Variants in AVL9 observed in about 807,000 individuals in gnomAD.
The protein encoded by AVL9 is AVL9 cell migration associated, also known as late secretory pathway protein AVL9 homolog.
AVL9 carries 49 observed loss-of-function variants against 79.2 expected under a neutral mutation model. That is an observed-to-expected ratio of 0.62 (90% CI 0.49 to 0.79). The LOEUF (loss-of-function observed/expected upper bound fraction) is 0.79, where lower values mean the gene tolerates loss of function less well. Ranked by LOEUF, AVL9 falls within the 30% of genes least tolerant of loss-of-function variation. The pLI, the probability that AVL9 is intolerant of heterozygous loss-of-function variation, is 0.00. For missense variants in AVL9, 682 were observed against 776.8 expected, an observed-to-expected ratio of 0.88 and a Z score of 1.45; for synonymous variants, 299 against 280.6, an observed-to-expected ratio of 1.07 and a Z score of -0.65.
chr7:32,550,201 A>G (rs1000417747), intron 4 of AVL9, among the ~76,000 whole-genome samples: 3 of 152,210 alleles, frequency 2.0e-5, no homozygotes, highest in African/African-American at 4.8e-5. Context: ...TTGAGTGCCT[A>G]TATATCAGGC....
At position 32,499,012 on chromosome 7, in the gene AVL9, A is replaced by C. The variant is rs1562745997; in HGVS notation, c.93+3210A>C. Among the ~76,000 whole-genome samples the C allele has an allele frequency of 1.2e-4, 3 of 25,784 alleles. 1 individual carries two copies. The highest frequency in any genetic ancestry group is 3.9e-3 in the South Asian group (2 of 518). 16.9% of individuals were successfully genotyped at this position (25,784 alleles called of 152,430 possible). ...AACCCCGCCTCTACTAAAAATACAA[A>C]ATTAGCTGCGCGTGGTGGCACATGC... On this transcript the variant is annotated intron_variant, in intron 1 of 15. Coordinates refer to ENST00000318709, the MANE Select transcript of AVL9 (RefSeq NM_015060.3).
At chr7:32,550,943 GT>G (rs1315181289) in intron 4 of AVL9, among the ~76,000 whole-genome samples, 1 of 152,146 alleles carries the variant, frequency 6.6e-6, no homozygotes, top group Admixed American at 6.5e-5. Flanking sequence ...CTTTCTATGT[GT>G]CAGATACTTT....
rs1219140395 is a variant in AVL9 at position 32,588,339 on chromosome 7, T to A, written c.*4432T>A. The A allele has an allele frequency of 6.6e-6, 1 of 152,226 alleles. No individual in the cohort carries two copies. Among genetic ancestry groups the A allele is most frequent in the African/African-American group, 2.4e-5 (1 of 41,466 alleles). The allele number at this position is 152,226 out of a possible 1,614,324, so 9.4% of individuals were successfully genotyped here. A position where few individuals can be genotyped will look rare whatever the true frequency, so the allele number is the denominator to read the frequency against. On this transcript the variant is annotated 3_prime_UTR_variant, in exon 16 of 16. Transcript: ENST00000318709. ...TGGAAGAATAAGATCAAGGCTTACA[T>A]GTTTCAGGCCACTTGGTCACTGGTT...
At chr7:32,552,370 C>A in intron 6 of AVL9, 75 bp downstream of exon 6, 4 of 879,400 alleles carry the variant, frequency 4.5e-6, no homozygotes, top group African/African-American at 1.7e-5. Context: ...GCGTGTAAAA[C>A]TTTGATTAGA....
rs1790377884 is a variant in AVL9, at chr7:32,562,648, A to G, written c.1215+3184A>G. 6 of 983,698 alleles carry G rather than the reference A, an allele frequency of 6.1e-6. No individual in the cohort carries two copies. The South Asian group carries it at 1.4e-4, about 23-fold the overall frequency. The allele number at this position is 983,698 out of a possible 1,614,324, so 60.9% of individuals were successfully genotyped here. On this transcript the variant is annotated intron_variant, in intron 10 of 15. Coordinates refer to ENST00000318709, the MANE Select transcript of AVL9 (RefSeq NM_015060.3). ...TCAAAAGTTACACTGGACTGGACATAGCATCTCACACCTGTAATCCCAGCA... is the reference window on the plus strand; with the variant it reads ...TCAAAAGTTACACTGGACTGGACATGGCATCTCACACCTGTAATCCCAGCA...
intron 5 of AVL9, 36 bp from the exon 6 acceptor site, chr7:32,552,193 T>G: frequency 4.8e-6 from 6 of 1,246,088 alleles, no homozygotes; most frequent in Non-Finnish European, 7.0e-6. Flanking sequence ...TCTAAAATGA[T>G]AGTAAAATGT....
At chr7:32,525,451 T>C (rs1321497265) in intron 1 of AVL9, among the ~76,000 whole-genome samples, 1 of 152,240 alleles carries the variant, frequency 6.6e-6, no homozygotes, top group African/African-American at 2.4e-5. Context: ...AGGCAAAGTA[T>C]AATAAGCTTA....
At chr7:32,549,036 C>A in intron 4 of AVL9, 118 bp downstream of exon 4, 3 of 532,692 alleles carry the variant, frequency 5.6e-6, no homozygotes, top group Non-Finnish European at 9.1e-6. Context: ...TATTTATGCC[C>A]TAGCATCTCC....
At position 32,583,890 on chromosome 7, in the gene AVL9, C is replaced by G; in HGVS notation, c.1930C>G (p.Pro644Ala). The G allele has an allele frequency of 6.2e-7, 1 of 1,613,724 alleles. No individual in the cohort carries two copies. Among genetic ancestry groups the G allele is most frequent in the Non-Finnish European group, 8.5e-7 (1 of 1,179,668 alleles). ...TSTSQSLTEPPDEKP is the reference protein window; with the variant it reads ...TSTSQSLTEPADEKP The stretch of plus-strand genomic sequence containing the variant: ...CACCTCCCAAAGTCTCACTGAGCCA[C>G]CAGATGAGAAGCCTTGAGCAAGGCG... The change falls in exon 16 of 16, where the codon CCA becomes GCA. Residue 644 changes from proline (P) to alanine (A), a missense_variant. Transcript: ENST00000318709.
rs765341981 is a variant in AVL9 at position 32,573,230 on chromosome 7, C to T, written c.1382C>T (p.Pro461Leu). 2 of 1,613,872 alleles carry T rather than the reference C, an allele frequency of 1.2e-6. No homozygotes were observed. Among genetic ancestry groups the T allele is most frequent in the African/African-American group, 1.3e-5 (1 of 74,856 alleles). ...VEEALIQIHD[P>L]ELRKLLNPTT... Reference sequence around the variant, plus strand: ...GAAGCTCTGATCCAGATCCATGATCCAGAACTCAGGAAGCTGCTTAACCCA... The same window carrying T: ...GAAGCTCTGATCCAGATCCATGATCTAGAACTCAGGAAGCTGCTTAACCCA... Residue 461 changes from proline to leucine, a missense_variant, in exon 12 of 16, where the codon CCA becomes CTA. Transcript: ENST00000318709.
chr7:32,558,547 A>G lies in AVL9; in HGVS notation c.610-12A>G, dbSNP rs767985839. 5.0e-6 allele frequency: 8 copies of G among 1,594,188 alleles called. No homozygotes were observed. The East Asian group carries it at 1.8e-4, about 36-fold the overall frequency. ...GGGTCTTCTAATTTGATTTTGATTG[A>G]CTCCATTCCAGGTTCTTTTTTATAT... On this transcript the variant is annotated splice_polypyrimidine_tract_variant and intron_variant, in intron 8 of 15. Transcript: ENST00000318709.
At chr7:32,503,335 T>G (rs1314385557) in intron 1 of AVL9, among the ~76,000 whole-genome samples, 2 of 96,456 alleles carry the variant, frequency 2.1e-5, no homozygotes, top group East Asian at 3.3e-4. Context: ...TATATATATC[T>G]ATATATATAG....
chr7:32,526,720 A>G (rs1788415991), intron 1 of AVL9, among the ~76,000 whole-genome samples: 1 of 151,964 alleles, frequency 6.6e-6, no homozygotes, highest in African/African-American at 2.4e-5. Flanking sequence ...AAAAAGAGAC[A>G]TTTTTTCAAA....
rs372260092 is a variant in AVL9 at position 32,543,321 on chromosome 7, C to G, written c.214+60C>G. ...TTTTTGAAAAAATTTGCCAAGATAT[C>G]TTAGGTTCTAAATACTTAGAAATTA... On this transcript the variant is annotated intron_variant, in intron 2 of 15. Coordinates refer to ENST00000318709, the MANE Select transcript of AVL9 (RefSeq NM_015060.3). 1.5e-4 allele frequency: 234 copies of G among 1,590,364 alleles called. 2 individuals carry two copies. In the African/African-American group the frequency reaches 2.6e-3, roughly 17 times the overall value.
intron 1 of AVL9, among the ~76,000 whole-genome samples, chr7:32,528,279 C>T (rs1227281484): frequency 6.6e-6 from 1 of 152,182 alleles, no homozygotes; most frequent in Non-Finnish European, 1.5e-5. Context: ...TTATGTCTCC[C>T]TAAAATGTAT....
rs1445116395 is a variant in AVL9 at position 32,586,045 on chromosome 7, G to C, written c.*2138G>C. 7.9e-5 allele frequency: 12 copies of C among 152,172 alleles called. No individual in the cohort carries two copies. Among genetic ancestry groups the C allele is most frequent in the Admixed American group, 7.9e-4 (12 of 15,280 alleles). The allele number at this position is 152,172 out of a possible 1,614,324, so 9.4% of individuals were successfully genotyped here. ...GTGAGGGGTCGTCCAGCAAGATGCT[G>C]ATTTGTCTTTCAGTTGGTATGGTTT... On this transcript the variant is annotated 3_prime_UTR_variant, in exon 16 of 16. Transcript: ENST00000318709.
chr7:32,580,287 A>G lies in AVL9; in HGVS notation c.1742+15A>G, dbSNP rs1253804635. 1 of 1,596,148 alleles carries G rather than the reference A, an allele frequency of 6.3e-7. No homozygotes were observed. Among genetic ancestry groups the G allele is most frequent in the African/African-American group, 1.3e-5 (1 of 74,196 alleles). On this transcript the variant is annotated intron_variant, in intron 14 of 15. Transcript: ENST00000318709. ...AGGTTCTCACAGTAAGTACTTAGAG[A>G]AAATACTGGGAAAATTCTTAAGTCT...
chr7:32,537,542 A>G (rs1788972521), intron 1 of AVL9: 1 of 145,896 alleles, frequency 6.9e-6, no homozygotes, highest in Non-Finnish European at 1.5e-5. Context: ...GGCTCACTGC[A>G]ACCACCACCA....
At chr7:32,512,169 G>A (rs1787703434) in intron 1 of AVL9, among the ~76,000 whole-genome samples, 1 of 152,196 alleles carries the variant, frequency 6.6e-6, no homozygotes, top group Non-Finnish European at 1.5e-5. Flanking sequence ...AAATGGATCT[G>A]TAATTATTGG....
Sources: gnomAD v4.1 joint callset for allele counts (sites outside exome capture counted in the v4.1 genomes callset) on GRCh38, gnomAD v4.1.1 for gene constraint, MANE v1.5 for transcripts, NCBI Gene and HGNC (gene_info 2026-07-23, HGNC 2026-07-21) for gene names.